DPF3: variants seen among roughly 807,000 people sequenced by gnomAD.
The protein encoded by DPF3 is double PHD fingers 3.
In DPF3, 18 loss-of-function variants were observed where a neutral mutation model predicts 56.8. The ratio of observed to expected loss-of-function variants is 0.32; its 90% CI spans 0.22 to 0.47. The LOEUF is 0.47. DPF3 is among the 20% of genes least tolerant of loss of function. The pLI is 1.00. For synonymous variants in DPF3, 188 were observed against 180.2 expected, an observed-to-expected ratio of 1.04 and a Z score of -0.35; for missense variants, 403 against 488.8, an observed-to-expected ratio of 0.82 and a Z score of 1.65.
intron 1 of DPF3, among the ~76,000 whole-genome samples, chr14:72,798,299 A>T (rs1324303984): frequency 6.8e-6 from 1 of 146,622 alleles, no homozygotes; most frequent in Non-Finnish European, 1.5e-5. Context: ...TACTTCCTCT[A>T]TAAGCAGAAC....
chr14:72,857,899 G>T (rs1361222471), intron 1 of DPF3, among the ~76,000 whole-genome samples: 1 of 152,088 alleles, frequency 6.6e-6, no homozygotes, highest in South Asian at 2.1e-4. Flanking sequence ...CAAGGAGTTC[G>T]TTATGCATGA....
rs1408081524 is a variant in DPF3, at chr14:72,614,252, C to G, written c.*5045G>C. 6.6e-6 allele frequency among the ~76,000 whole-genome samples: 1 copy of G among 152,228 alleles called. No homozygotes were observed. Among genetic ancestry groups the G allele is most frequent in the Non-Finnish European group, 1.5e-5 (1 of 68,042 alleles). ...CTTCTGACCACGGACCAGTTAGACT[C>G]TATGGCAAGCTGGGGTTCAGGTAGG... is the stretch of plus-strand genomic sequence containing the variant. On this transcript the variant is annotated 3_prime_UTR_variant, in exon 11 of 11. Coordinates refer to ENST00000556509, the MANE Select transcript of DPF3 (RefSeq NM_001280542.3).
chr14:72,876,417 C>G (rs529514677), intron 1 of DPF3, among the ~76,000 whole-genome samples: 79 of 152,308 alleles, frequency 5.2e-4, no homozygotes, highest in African/African-American at 1.7e-3. Flanking sequence ...CCCCCTGGAG[C>G]CTCTCTTTTG....
intron 1 of DPF3, among the ~76,000 whole-genome samples, chr14:72,892,941 CTGGAAGGAAGGAAGGAAGGA>C (rs1886813054): frequency 3.9e-5 from 5 of 127,176 alleles, no homozygotes; most frequent in Admixed American, 8.5e-5. Context: ...GTTCCACTGA[CTGGAAGGAAGGAAGGAAGGA>C]AGGAAGGAAG....
chr14:72,699,212 G>A (rs143558974), intron 6 of DPF3, among the ~76,000 whole-genome samples: 1 of 152,058 alleles, frequency 6.6e-6, no homozygotes. Context: ...AAGAGAAACT[G>A]ATTTTTTAAA....
intron 7 of DPF3, among the ~76,000 whole-genome samples, chr14:72,682,803 G>T (rs1434668732): frequency 6.6e-6 from 1 of 152,208 alleles, no homozygotes; most frequent in Non-Finnish European, 1.5e-5. Context: ...AGGCCGGGAA[G>T]TTGGTGCTGA....
At chr14:72,787,359 T>C (rs945381800) in intron 1 of DPF3, among the ~76,000 whole-genome samples, 6 of 152,226 alleles carry the variant, frequency 3.9e-5, no homozygotes, top group African/African-American at 1.2e-4. Flanking sequence ...TTAGTCACTT[T>C]GGGTTTTTGG....
chr14:72,631,386 A>G (rs1237228248), intron 8 of DPF3, among the ~76,000 whole-genome samples: 1 of 152,216 alleles, frequency 6.6e-6, no homozygotes. Flanking sequence ...AGCATCTCAA[A>G]GATTGGTCTA....
At chr14:72,622,279 A>G (rs1884499869) in intron 9 of DPF3, among the ~76,000 whole-genome samples, 1 of 152,202 alleles carries the variant, frequency 6.6e-6, no homozygotes, top group African/African-American at 2.4e-5. Flanking sequence ...CACTTGGGGT[A>G]CTCCAACTTT....
At chr14:72,696,114 G>A (rs1352313920) in intron 6 of DPF3, among the ~76,000 whole-genome samples, 1 of 152,034 alleles carries the variant, frequency 6.6e-6, no homozygotes, top group Non-Finnish European at 1.5e-5. Context: ...TTAGTTGCCA[G>A]GCATACTGTT....
At chr14:72,773,636 C>G (rs1891634639) in intron 1 of DPF3, among the ~76,000 whole-genome samples, 1 of 152,186 alleles carries the variant, frequency 6.6e-6, no homozygotes. Context: ...GCCTCTGCCC[C>G]CATCTCCAGC....
At chr14:72,631,671 C>T (rs74636964) in intron 8 of DPF3, among the ~76,000 whole-genome samples, 1 of 152,334 alleles carries the variant, frequency 6.6e-6, no homozygotes, top group African/African-American at 2.4e-5. Flanking sequence ...TATTGAGCAC[C>T]TACAAGGCAG....
chr14:72,884,119 G>A (rs1184476908), intron 1 of DPF3, among the ~76,000 whole-genome samples: 3 of 152,040 alleles, frequency 2.0e-5, no homozygotes, highest in Non-Finnish European at 1.5e-5. Context: ...GTTCCCAGAA[G>A]AGCACCCCAC....
At chr14:72,817,597 C>T (rs138547135) in intron 1 of DPF3, among the ~76,000 whole-genome samples, 15 of 152,220 alleles carry the variant, frequency 9.9e-5, no homozygotes, top group Non-Finnish European at 1.9e-4. Context: ...TTGCTTGAAC[C>T]CACCCAGCAG....
At chr14:72,845,086 C>T (rs1298956289) in intron 1 of DPF3, among the ~76,000 whole-genome samples, 1 of 152,186 alleles carries the variant, frequency 6.6e-6, no homozygotes, top group Non-Finnish European at 1.5e-5. Context: ...GCCTGGGTGA[C>T]AGAGAAAGAC....
intron 1 of DPF3, among the ~76,000 whole-genome samples, chr14:72,828,753 G>A (rs1883928145): frequency 6.6e-6 from 1 of 152,044 alleles, no homozygotes; most frequent in African/African-American, 2.4e-5. Flanking sequence ...CAAGGAGTTT[G>A]GACTTTATCC....
intron 2 of DPF3, among the ~76,000 whole-genome samples, chr14:72,757,019 GGA>G (rs1890866233): frequency 7.3e-6 from 1 of 136,512 alleles, no homozygotes; most frequent in African/African-American, 2.8e-5. Flanking sequence ...AGAGAAGAGG[GGA>G]AGAAGGGGAG....
intron 7 of DPF3, among the ~76,000 whole-genome samples, chr14:72,679,669 C>G (rs1435135227): frequency 6.6e-6 from 1 of 152,260 alleles, no homozygotes; most frequent in Non-Finnish European, 1.5e-5. Context: ...TCCATGGCAA[C>G]CGGAATCCTG....
intron 1 of DPF3, among the ~76,000 whole-genome samples, chr14:72,810,961 C>T (rs964872487): frequency 6.6e-6 from 1 of 152,220 alleles, no homozygotes; most frequent in Non-Finnish European, 1.5e-5. Flanking sequence ...GTATATTTCA[C>T]AGTTCTGCAG....
Sources: gnomAD v4.1 joint callset for allele counts (sites outside exome capture counted in the v4.1 genomes callset) on GRCh38, gnomAD v4.1.1 for gene constraint, MANE v1.5 for transcripts, NCBI Gene and HGNC (gene_info 2026-07-23, HGNC 2026-07-21) for gene names.